CRISPLD2: variants seen among roughly 807,000 people sequenced by gnomAD.
The protein encoded by CRISPLD2 is cysteine-rich secretory protein LCCL domain-containing 2.
In CRISPLD2, 47 loss-of-function variants were observed where a neutral mutation model predicts 71.1. The ratio of observed to expected loss-of-function variants is 0.66; its 90% confidence interval spans 0.52 to 0.84. The LOEUF (loss-of-function observed/expected upper bound fraction) is 0.84. CRISPLD2 is among the 40% of genes least tolerant of loss of function. The pLI is 0.00. For missense variants in CRISPLD2, 830 were observed against 651.1 expected (o/e 1.27, Z -2.99); for synonymous variants, 317 against 250.1 (o/e 1.27, Z -2.52).
intron 1 of CRISPLD2, chr16:84,828,917 T>C (rs1916420665): frequency 6.6e-6 from 1 of 152,060 alleles, no homozygotes; most frequent in African/African-American, 2.4e-5. Flanking sequence ...AGAATATATC[T>C]TTTGTTAATT....
At chr16:84,826,027 C>T (rs1412444439) in intron 1 of CRISPLD2, among the ~76,000 whole-genome samples, 1 of 152,012 alleles carries the variant, frequency 6.6e-6, no homozygotes, top group African/African-American at 2.4e-5. Flanking sequence ...TTCAGGCTTC[C>T]CTGGAGACCT....
intron 14 of CRISPLD2, among the ~76,000 whole-genome samples, chr16:84,898,375 A>G (rs1385636181): frequency 1.3e-5 from 2 of 149,900 alleles, no homozygotes; most frequent in East Asian, 3.9e-4. Flanking sequence ...CCGCTCCCCC[A>G]CCCTCTCTGT....
At chr16:84,856,078 A>G (rs1041780771) in intron 6 of CRISPLD2, among the ~76,000 whole-genome samples, 1 of 152,202 alleles carries the variant, frequency 6.6e-6, no homozygotes, top group South Asian at 2.1e-4. Context: ...TCTACTGCCC[A>G]TTCTGTATTC....
In CRISPLD2 at chr16:84,865,208, T is replaced by G. The variant is rs183203997; in HGVS notation, c.710-1689T>G. On this transcript the variant is annotated intron_variant, in intron 6 of 14. Coordinates refer to ENST00000262424, the MANE Select transcript of CRISPLD2 (RefSeq NM_031476.4). ...TTTCGCTCTGTCGCCCAGGCTGGAG[T>G]GCAGTGGCACGATCTCCACTCACTG... Among the ~76,000 whole-genome samples, 768 of 149,946 alleles carry G rather than the reference T, an allele frequency of 5.1e-3. 4 individuals are homozygous for G. The highest frequency in any genetic ancestry group is 0.017 in the African/African-American group (706 of 40,608).
At chr16:84,860,983 C>A (rs542674477) in intron 6 of CRISPLD2, among the ~76,000 whole-genome samples, 344 of 152,298 alleles carry the variant, frequency 2.3e-3, no homozygotes, top group African/African-American at 8.2e-3. Context: ...AACTTAGAAG[C>A]AACCAATCAG....
At chr16:84,903,102 G>A (rs1257739246) in intron 14 of CRISPLD2, among the ~76,000 whole-genome samples, 2 of 152,024 alleles carry the variant, frequency 1.3e-5, no homozygotes, top group African/African-American at 4.8e-5. Context: ...AGTTTGATGA[G>A]GTGGCACCTA....
chr16:84,847,806 A>T (rs191243622), intron 3 of CRISPLD2, among the ~76,000 whole-genome samples: 7 of 152,350 alleles, frequency 4.6e-5, no homozygotes, highest in African/African-American at 1.7e-4. Context: ...TTGAGACTGT[A>T]GCCTGGATCA....
At chr16:84,840,512 T>A (rs906102727) in intron 2 of CRISPLD2, among the ~76,000 whole-genome samples, 2 of 151,976 alleles carry the variant, frequency 1.3e-5, no homozygotes, top group African/African-American at 4.8e-5. Context: ...TTTCTGTTTG[T>A]TTGTTTGTTT....
intron 7 of CRISPLD2, among the ~76,000 whole-genome samples, chr16:84,868,145 T>C (rs182287692): frequency 6.6e-6 from 1 of 152,290 alleles, no homozygotes; most frequent in Admixed American, 6.5e-5. Flanking sequence ...CCATCTCCCC[T>C]GCCCCCACCA....
At chr16:84,828,273 A>G (rs1916404927) in intron 1 of CRISPLD2, 1 of 152,220 alleles carries the variant, frequency 6.6e-6, no homozygotes, top group South Asian at 2.1e-4. Context: ...GGAAAGAAAC[A>G]TCATTAAACA....
At chr16:84,833,687 A>G (rs1916543910) in intron 1 of CRISPLD2, among the ~76,000 whole-genome samples, 2 of 152,108 alleles carry the variant, frequency 1.3e-5, no homozygotes, top group East Asian at 3.9e-4. Context: ...AGCTCATCAT[A>G]TCTGGGTCAA....
chr16:84,849,362 AGT>A, intron 3 of CRISPLD2, 21 bp from the exon 4 acceptor site: 1 of 1,605,894 alleles, frequency 6.2e-7, no homozygotes, highest in Non-Finnish European at 8.5e-7. Context: ...GCTGGGACTG[AGT>A]GAGCGGTTTC....
intron 13 of CRISPLD2, among the ~76,000 whole-genome samples, chr16:84,884,630 G>A (rs572425262): frequency 0.046 from 7,049 of 152,208 alleles, 548 homozygotes; most frequent in African/African-American, 0.16. Flanking sequence ...GAGAGGTGTG[G>A]AGGAAGGAAG....
At chr16:84,824,245 G>A (rs1331845706) in intron 1 of CRISPLD2, among the ~76,000 whole-genome samples, 1 of 152,198 alleles carries the variant, frequency 6.6e-6, no homozygotes, top group African/African-American at 2.4e-5. Context: ...TGTAGTCTAC[G>A]AGCCAGGCTC....
intron 5 of CRISPLD2, among the ~76,000 whole-genome samples, chr16:84,851,326 C>T (rs1236863448): frequency 6.6e-6 from 1 of 152,230 alleles, no homozygotes; most frequent in Non-Finnish European, 1.5e-5. Context: ...GTGTCCAGCC[C>T]TTGACTCATT....
At chr16:84,835,381 G>A (rs888896966) in intron 1 of CRISPLD2, among the ~76,000 whole-genome samples, 15 of 152,114 alleles carry the variant, frequency 9.9e-5, no homozygotes, top group Non-Finnish European at 1.5e-4. Flanking sequence ...CACCATGCCC[G>A]GCCTATGGTT....
At chr16:84,885,142 C>T (rs971036655) in intron 13 of CRISPLD2, among the ~76,000 whole-genome samples, 1 of 152,194 alleles carries the variant, frequency 6.6e-6, no homozygotes, top group East Asian at 1.9e-4. Flanking sequence ...CTCCAGCCCT[C>T]GGGTAGGGGC....
rs536672286 is a variant in CRISPLD2 at position 84,854,886 on chromosome 16, C to T, written c.709+57C>T. ...GAATTTGCCCTCAGTCTGAGTCATG[C>T]GACAGCGTTACATGAAACAGGGGAA... On this transcript the variant is annotated intron_variant, in intron 6 of 14. Coordinates refer to ENST00000262424, the MANE Select transcript of CRISPLD2 (RefSeq NM_031476.4). The T allele has an allele frequency of 2.9e-5, 38 of 1,314,896 alleles. 1 individual carries two copies. The highest frequency in any genetic ancestry group is 5.9e-5 in the South Asian group (5 of 84,986). 81.5% of individuals were successfully genotyped at this position (1,314,896 alleles called of 1,614,324 possible).
rs1221620808 is a variant in CRISPLD2 at position 84,853,898 on chromosome 16, GC to G, written c.609-828del. ...CGAGGGCACATGCTGGCAGCCTGGGGCCCAAGCCGGGGAGCCTGCTCTTCAC... is the reference window on the plus strand; with the variant it reads ...CGAGGGCACATGCTGGCAGCCTGGGGCCAAGCCGGGGAGCCTGCTCTTCAC... On this transcript the variant is annotated intron_variant, in intron 5 of 14. Coordinates refer to ENST00000262424, the MANE Select transcript of CRISPLD2 (RefSeq NM_031476.4). Among the ~76,000 whole-genome samples, 3 of 152,336 alleles carry G rather than the reference GC, an allele frequency of 2.0e-5. No homozygotes were observed. In the East Asian group the frequency reaches 5.8e-4, roughly 29 times the overall value.
Sources: allele counts gnomAD v4.1 joint callset (sites outside exome capture counted in the v4.1 genomes callset), GRCh38; gene constraint gnomAD v4.1.1; transcripts MANE v1.5; gene names NCBI Gene and HGNC (gene_info 2026-07-23, HGNC 2026-07-21).